COL11A2: variants seen among roughly 807,000 people sequenced by gnomAD.
COL11A2 encodes collagen type XI alpha 2 chain, also known as collagen alpha-2(XI) chain.
In COL11A2, 116 loss-of-function variants were observed where a neutral mutation model predicts 273.4. The observed-to-expected ratio is 0.42, with a 90% CI of 0.36 to 0.49. COL11A2 has a LOEUF of 0.49. COL11A2 is among the 20% of genes least tolerant of loss of function. COL11A2 has a pLI of 0.00. For missense variants in COL11A2, 1,866 were observed against 2,309.0 expected (o/e 0.81, Z 3.93); for synonymous variants, 782 against 864.2 (o/e 0.90, Z 1.67).
Position 33,184,292 on chromosome 6 carries a change from G to A in COL11A2, c.972C>T (p.Ala324=), listed in dbSNP as rs143351848. Reference sequence around the variant, plus strand: ...CATATTCCTCTGCCTGGAACCTGTCGGCTGTGGGGGGGACCTGGAGATCTG... The same window carrying A: ...CATATTCCTCTGCCTGGAACCTGTCAGCTGTGGGGGGGACCTGGAGATCTG... The part of the protein sequence containing the change: ...EQTDLQVPPT[A]DRFQAEEYGE... Residue 324 remains alanine (A), a synonymous_variant, in exon 8 of 66, where the codon GCC becomes GCT. Coordinates refer to ENST00000341947, the MANE Select transcript of COL11A2 (RefSeq NM_080680.3). The A allele has an allele frequency of 2.0e-5, 27 of 1,367,496 alleles. No individual in the cohort carries two copies. The highest frequency in any genetic ancestry group is 1.3e-4 in the African/African-American group (9 of 67,716). 84.7% of individuals were successfully genotyped at this position (1,367,496 alleles called of 1,614,324 possible). A position where few individuals can be genotyped will look rare whatever the true frequency, so the allele number is the denominator to read the frequency against.
Position 33,173,966 on chromosome 6 carries a change from C to T in COL11A2, c.2530-40G>A, listed in dbSNP as rs200681317. On this transcript the variant is annotated intron_variant, in intron 33 of 65. Coordinates refer to ENST00000341947, the MANE Select transcript of COL11A2 (RefSeq NM_080680.3). The surrounding 1 kb of genome is among the most constrained non-coding windows in gnomAD (Gnocchi z 6.3). ...GGAGTTGTCAGAGAAACCCAAATGCCCCCCTCTGGACCTTGAGCCACCTGT... is the reference window on the plus strand; with the variant it reads ...GGAGTTGTCAGAGAAACCCAAATGCTCCCCTCTGGACCTTGAGCCACCTGT... The T allele has an allele frequency of 5.1e-5, 82 of 1,613,898 alleles. No homozygotes were observed. Among genetic ancestry groups the T allele is most frequent in the Non-Finnish European group, 6.6e-5 (78 of 1,179,994 alleles).
rs1458905181 is a variant in COL11A2, at chr6:33,166,982, A to G, written c.4230+88T>C. 3 of 1,586,306 alleles carry G rather than the reference A, an allele frequency of 1.9e-6. No individual in the cohort carries two copies. The highest frequency in any genetic ancestry group is 2.6e-6 in the Non-Finnish European group (3 of 1,159,862). ...CTGGGACTGGCTGCCGGAGGCCTGA[A>G]GCAGAGCAGTGGGCACTTGGGTCCC... is the stretch of plus-strand genomic sequence containing the variant. On this transcript the variant is annotated intron_variant, in intron 58 of 65. Transcript: ENST00000341947. This position sits in a 1 kb window ranked among gnomAD's most constrained non-coding sequence, Gnocchi z 4.8.
Position 33,189,525 on chromosome 6 carries a change from A to G in COL11A2, c.83-56T>C, listed in dbSNP as rs1772859561. ...GACATGCCCTCAGGAGGGCATAAAT[A>G]GGGGACATTTGGGATCTAGAACTCA... On this transcript the variant is annotated intron_variant, in intron 1 of 65. Coordinates refer to ENST00000341947, the MANE Select transcript of COL11A2 (RefSeq NM_080680.3). The surrounding 1 kb of genome is among the most constrained non-coding windows in gnomAD (Gnocchi z 5.6). The G allele has an allele frequency of 6.2e-7, 1 of 1,605,406 alleles. No individual in the cohort carries two copies. Among genetic ancestry groups the G allele is most frequent in the Middle Eastern group, 1.7e-4 (1 of 6,040 alleles).
At position 33,162,920 on chromosome 6, in the gene COL11A2, G is replaced by A. The variant is rs549187607; in HGVS notation, c.*758C>T. On this transcript the variant is annotated 3_prime_UTR_variant, in exon 66 of 66. Coordinates refer to ENST00000341947, the MANE Select transcript of COL11A2 (RefSeq NM_080680.3). This position sits in a 1 kb window ranked among gnomAD's most constrained non-coding sequence, Gnocchi z 4.9. ...GAATTTTAATATTCCAGCCATCTGC[G>A]GGATGCAGCCCTGCACACACCCCAC... 5.8e-5 allele frequency: 9 copies of A among 154,966 alleles called. 1 individual carries two copies. Among genetic ancestry groups the A allele is most frequent in the Middle Eastern group, 5.2e-4 (1 of 1,926 alleles). The allele number at this position is 154,966 out of a possible 1,614,324, so 9.6% of individuals were successfully genotyped here. A position where few individuals can be genotyped will look rare whatever the true frequency, so the allele number is the denominator to read the frequency against.
chr6:33,177,566 C>T lies in COL11A2; in HGVS notation c.1917+96G>A. The T allele has an allele frequency of 6.3e-7, 1 of 1,585,970 alleles. No homozygotes were observed. Among genetic ancestry groups the T allele is most frequent in the South Asian group, 1.1e-5 (1 of 90,292 alleles). On this transcript the variant is annotated intron_variant, in intron 22 of 65. Transcript: ENST00000341947. This position sits in a 1 kb window ranked among gnomAD's most constrained non-coding sequence, Gnocchi z 5.9. Reference sequence around the variant, plus strand: ...GCAGCGATAGCCAAGAAGGCAAGAGCAGGAAGCAGGCAGGGGTCAAAATGG... The same window carrying T: ...GCAGCGATAGCCAAGAAGGCAAGAGTAGGAAGCAGGCAGGGGTCAAAATGG...
rs1769105586 is a variant in COL11A2 at position 33,166,171 on chromosome 6, T to C, written c.4428A>G (p.Thr1476=). Residue 1476 remains threonine, a splice_region_variant and synonymous_variant, in exon 61 of 66, where the codon ACA becomes ACG. Coordinates refer to ENST00000341947, the MANE Select transcript of COL11A2 (RefSeq NM_080680.3). This position sits in a 1 kb window ranked among gnomAD's most constrained non-coding sequence, Gnocchi z 4.8. ...GTCAGAGCTGAAGGGGGTCACTCAC[T>C]GTGGCTCCTTTGGCTCCTTTGGGGC... ...PAGPKGAKGA[T]GPGGPKGEKG... is the part of the protein sequence containing the mutation. The C allele has an allele frequency of 6.2e-7, 1 of 1,607,940 alleles. No individual in the cohort carries two copies. The highest frequency in any genetic ancestry group is 2.2e-5 in the East Asian group (1 of 44,728).
rs1417852286 is a variant in COL11A2, at chr6:33,188,443, G to A, written c.525C>T (p.Leu175=). The A allele has an allele frequency of 1.2e-6, 2 of 1,612,908 alleles. No individual in the cohort carries two copies. The highest frequency in any genetic ancestry group is 2.7e-5 in the African/African-American group (2 of 74,900). ...VDCKKRVTRP[L]PRSARPVLDT... ...CCAATACTGGACGAGCACTTCGGGG[G>A]AGAGGCCGGGTGACTCGCTTCTTGC... The change falls in exon 4 of 66, where the codon CTC becomes CTT. Residue 175 remains leucine, a synonymous_variant. Transcript: ENST00000341947.
At chr6:33,186,590 G>T in intron 5 of COL11A2, 37 bp downstream of exon 5, 1 of 1,614,126 alleles carries the variant, frequency 6.2e-7, no homozygotes, top group Non-Finnish European at 8.5e-7. Context: ...CCCTCTCTGG[G>T]GTGTGCTGCA....
In COL11A2 at chr6:33,185,069, A is replaced by T. The variant is rs1185538346; in HGVS notation, c.877-15T>A. 2 of 1,544,022 alleles carry T rather than the reference A, an allele frequency of 1.3e-6. No homozygotes were observed. The highest frequency in any genetic ancestry group is 1.4e-5 in the African/African-American group (1 of 72,778). On this transcript the variant is annotated splice_polypyrimidine_tract_variant and intron_variant, in intron 6 of 65. Transcript: ENST00000341947. Reference sequence around the variant, plus strand: ...GGGGTGGGGTCCTGACCCCAAGGAGAGAAGGAGAAGAGTAGCACGGGGTGG... The same window carrying T: ...GGGGTGGGGTCCTGACCCCAAGGAGTGAAGGAGAAGAGTAGCACGGGGTGG...
At position 33,169,683 on chromosome 6, in the gene COL11A2, ACCAGGGATCAGG is replaced by A. The variant is rs1267562870; in HGVS notation, c.3690+136_3690+147del. The A allele has an allele frequency of 6.0e-5, 69 of 1,152,660 alleles. No homozygotes were observed. Among genetic ancestry groups the A allele is most frequent in the Non-Finnish European group, 8.9e-5 (68 of 765,212 alleles). 71.4% of individuals were successfully genotyped at this position (1,152,660 alleles called of 1,614,324 possible). On this transcript the variant is annotated intron_variant, in intron 50 of 65. Coordinates refer to ENST00000341947, the MANE Select transcript of COL11A2 (RefSeq NM_080680.3). This position sits in a 1 kb window ranked among gnomAD's most constrained non-coding sequence, Gnocchi z 5.5. Reference sequence around the variant, plus strand: ...GAAAGGGGAAGAAGGGCTCACTCAGACCAGGGATCAGGCCTCATAGAGGATGGCAGGGAGCAG... The same window carrying A: ...GAAAGGGGAAGAAGGGCTCACTCAGACCTCATAGAGGATGGCAGGGAGCAG...
At position 33,164,875 on chromosome 6, in the gene COL11A2, T is replaced by G. The variant is rs750038327; in HGVS notation, c.4840A>C (p.Thr1614Pro). 3.1e-5 allele frequency: 48 copies of G among 1,566,664 alleles called. No individual in the cohort carries two copies. The highest frequency in any genetic ancestry group is 1.7e-4 in the Middle Eastern group (1 of 6,026). The part of the protein sequence containing the change: ...NFTAGGETCV[T>P]PRDDVTQFSY... ...ACCTGCGTGACGTCATCCCTAGGCGTCACACAGGTCTCACCCCCTGCTGTG... is the reference window on the plus strand; with the variant it reads ...ACCTGCGTGACGTCATCCCTAGGCGGCACACAGGTCTCACCCCCTGCTGTG... Residue 1614 changes from threonine to proline, a missense_variant, in exon 64 of 66, where the codon ACG becomes CCG. By Grantham distance (38) the Thr-to-Pro change is conservative (BLOSUM62 -1). Transcript: ENST00000341947. The surrounding 1 kb of genome is among the most constrained non-coding windows in gnomAD (Gnocchi z 4.7).
At position 33,164,127 on chromosome 6, in the gene COL11A2, C is replaced by T. The variant is rs1768729051; in HGVS notation, c.5070+140G>A. ...TCCACCTTCCTCACCGGCTTTTGAG[C>T]TCCCTCAGGCATCCCTGACAATCCA... On this transcript the variant is annotated intron_variant, in intron 65 of 65. Transcript: ENST00000341947. This position sits in a 1 kb window ranked among gnomAD's most constrained non-coding sequence, Gnocchi z 4.7. 2 of 1,071,206 alleles carry T rather than the reference C, an allele frequency of 1.9e-6. No homozygotes were observed. Among genetic ancestry groups the T allele is most frequent in the Non-Finnish European group, 2.7e-6 (2 of 749,402 alleles). 66.4% of individuals were successfully genotyped at this position (1,071,206 alleles called of 1,614,324 possible). A position where few individuals can be genotyped will look rare whatever the true frequency, so the allele number is the denominator to read the frequency against.
intron 8 of COL11A2, among the ~76,000 whole-genome samples, chr6:33,183,539 C>T (rs1421226072): frequency 6.6e-6 from 1 of 152,204 alleles, no homozygotes; most frequent in East Asian, 1.9e-4. Context: ...TGACCTGAGA[C>T]ATACAGGAAG....
chr6:33,166,592 C>G lies in COL11A2; in HGVS notation c.4339-26G>C, dbSNP rs1769179735. 6.2e-7 allele frequency: 1 copy of G among 1,613,370 alleles called. No homozygotes were observed. Among genetic ancestry groups the G allele is most frequent in the African/African-American group, 1.3e-5 (1 of 74,832 alleles). On this transcript the variant is annotated intron_variant, in intron 59 of 65. Transcript: ENST00000341947. The surrounding 1 kb of genome is among the most constrained non-coding windows in gnomAD (Gnocchi z 4.8). ...CTAGGAAGGGTAGTGGCTGGTTCAA[C>G]TGGGTCCTCCTCCCACACCCTCCTG...
chr6:33,188,495 C>G lies in COL11A2; in HGVS notation c.473G>C (p.Gly158Ala). ...GTCAACAATGAGGGTGACAGACTGG[C>G]CCTTCACAGCCACAGCCACACGGTG... ...KWHRVAVAVK[G>A]QSVTLIVDCK... Residue 158 changes from glycine (G) to alanine (A), a missense_variant, in exon 4 of 66, where the codon GGC becomes GCC. Transcript: ENST00000341947. 4.3e-6 allele frequency: 7 copies of G among 1,613,034 alleles called. No individual in the cohort carries two copies. The highest frequency in any genetic ancestry group is 5.1e-6 in the Non-Finnish European group (6 of 1,180,018).
In COL11A2 at chr6:33,176,759, G is replaced by A; in HGVS notation, c.2077C>T (p.Pro693Ser). 2 of 1,612,942 alleles carry A rather than the reference G, an allele frequency of 1.2e-6. No homozygotes were observed. Among genetic ancestry groups the A allele is most frequent in the Non-Finnish European group, 1.7e-6 (2 of 1,179,636 alleles). ...MPGSDGPPGHPGKEGPPGTKG... is the reference protein window; with the variant it reads ...MPGSDGPPGHSGKEGPPGTKG... The stretch of plus-strand genomic sequence containing the variant: ...GTTCCAGGGGGACCTTCCTTCCCTG[G>A]GTGACCCTGGGAGTAAGGGATAGAA... The change falls in exon 26 of 66, where the codon CCA (proline) becomes TCA (serine). Residue 693 changes from proline to serine, a missense_variant. Transcript: ENST00000341947. The surrounding 1 kb of genome is among the most constrained non-coding windows in gnomAD (Gnocchi z 4.9).
rs1347895710 is a variant in COL11A2, at chr6:33,169,371, C to A, written c.3798+12G>T. 1.6e-5 allele frequency: 25 copies of A among 1,610,034 alleles called. No homozygotes were observed. The highest frequency in any genetic ancestry group is 2.0e-5 in the Non-Finnish European group (24 of 1,178,090). On this transcript the variant is annotated intron_variant, in intron 51 of 65. Coordinates refer to ENST00000341947, the MANE Select transcript of COL11A2 (RefSeq NM_080680.3). This position sits in a 1 kb window ranked among gnomAD's most constrained non-coding sequence, Gnocchi z 5.5. ...GCCTGAGAGGACTCAGCCCCCACTG[C>A]CCCAAACTCACAGGGTTCCCTTTGG...
In COL11A2 at chr6:33,179,436, G is replaced by T; in HGVS notation, c.1498C>A (p.Pro500Thr). ...CGAGCACCCTGCTCACTCACCAAGG[G>T]TCCAGGGCGCCCTGTGTATCCCATG... Reference protein sequence around the residue: ...GPMGYTGRPGPLGQPGSPGLK... With the variant: ...GPMGYTGRPGTLGQPGSPGLK... Residue 500 changes from proline to threonine, a missense_variant, in exon 14 of 66, where the codon CCC (proline) becomes ACC (threonine). Coordinates refer to ENST00000341947, the MANE Select transcript of COL11A2 (RefSeq NM_080680.3). The surrounding 1 kb of genome is among the most constrained non-coding windows in gnomAD (Gnocchi z 6.4). 2 of 1,569,556 alleles carry T rather than the reference G, an allele frequency of 1.3e-6. No homozygotes were observed. The highest frequency in any genetic ancestry group is 1.7e-6 in the Non-Finnish European group (2 of 1,157,420).
In COL11A2 at chr6:33,172,760, T is replaced by C; in HGVS notation, c.2791-123A>G. On this transcript the variant is annotated intron_variant, in intron 38 of 65. Transcript: ENST00000341947. Reference sequence around the variant, plus strand: ...CCCTTTATCCCTGCCCCAAAGCTCCTGGGAAATTCCCCGGCATTCCTGGGC... The same window carrying C: ...CCCTTTATCCCTGCCCCAAAGCTCCCGGGAAATTCCCCGGCATTCCTGGGC... 4 of 913,242 alleles carry C rather than the reference T, an allele frequency of 4.4e-6. No homozygotes were observed. The Admixed American group carries it at 6.1e-5, about 14-fold the overall frequency. 56.6% of individuals were successfully genotyped at this position (913,242 alleles called of 1,614,324 possible).
Sources: allele counts gnomAD v4.1 joint callset (sites outside exome capture counted in the v4.1 genomes callset), GRCh38; gene constraint gnomAD v4.1.1; non-coding constraint Gnocchi (gnomAD v3.1); transcripts MANE v1.5; gene names NCBI Gene and HGNC (gene_info 2026-07-23, HGNC 2026-07-21).